Variants in FREM3 observed in about 807,000 individuals in gnomAD.
FREM3 encodes FRAS1 related extracellular matrix 3.
FREM3 carries 105 observed loss-of-function variants against 129.1 expected under a neutral mutation model. That is an observed-to-expected ratio of 0.81 (90% CI 0.69 to 0.96). FREM3 has a LOEUF of 0.96. FREM3 is among the 40% of genes least tolerant of loss of function. The pLI, the probability that FREM3 is intolerant of heterozygous loss-of-function variation, is 0.00. For synonymous variants in FREM3, 1,014 were observed against 1,044.9 expected, an observed-to-expected ratio of 0.97 and a Z score of 0.57; for missense variants, 2,593 against 2,666.3, an observed-to-expected ratio of 0.97 and a Z score of 0.61.
At chr4:143,669,967 C>T (rs1174869808) in intron 2 of FREM3, among the ~76,000 whole-genome samples, 2 of 152,162 alleles carry the variant, frequency 1.3e-5, no homozygotes, top group East Asian at 3.8e-4. Flanking sequence ...TCTATTGTTA[C>T]AAGAACTATG....
At chr4:143,642,910 C>CA (rs1270561572) in intron 2 of FREM3, among the ~76,000 whole-genome samples, 4 of 151,742 alleles carry the variant, frequency 2.6e-5, no homozygotes, top group East Asian at 1.9e-4. Context: ...AACCTAACAG[C>CA]AAAAAAACAC....
chr4:143,632,766 T>C (rs180779343), intron 2 of FREM3, among the ~76,000 whole-genome samples: 276 of 152,222 alleles, frequency 1.8e-3, no homozygotes, highest in Non-Finnish European at 2.8e-3. Flanking sequence ...AAGAATTATC[T>C]TAGGTCATAC....
intron 2 of FREM3, among the ~76,000 whole-genome samples, chr4:143,677,075 G>T (rs1417342786): frequency 6.6e-6 from 1 of 152,064 alleles, no homozygotes; most frequent in African/African-American, 2.4e-5. Context: ...AAAAGAGCCC[G>T]CATTGCCAAG....
At chr4:143,615,751 T>C (rs371495325) in intron 5 of FREM3, among the ~76,000 whole-genome samples, 10 of 149,612 alleles carry the variant, frequency 6.7e-5, no homozygotes, top group African/African-American at 2.5e-4. Context: ...AAAACAAAAT[T>C]GAAATTAAAA....
chr4:143,660,619 G>A (rs1027201967), intron 2 of FREM3, among the ~76,000 whole-genome samples: 5 of 152,038 alleles, frequency 3.3e-5, no homozygotes, highest in African/African-American at 7.3e-5. Context: ...AATTCTGTGA[G>A]GAAAGTCATT....
chr4:143,592,559 A>G (rs1183029866), intron 6 of FREM3, among the ~76,000 whole-genome samples: 2 of 152,146 alleles, frequency 1.3e-5, no homozygotes, highest in Non-Finnish European at 2.9e-5. Flanking sequence ...AAGATTGTTG[A>G]ATATTGGCCC....
chr4:143,697,435 A>G lies in FREM3; in HGVS notation c.3241T>C (p.Tyr1081His). The change falls in exon 1 of 8, where the codon TAT becomes CAT. Residue 1081 changes from tyrosine to histidine, a missense_variant. Tyr to His is a moderately conservative substitution (Grantham distance 83). Coordinates refer to ENST00000329798, the MANE Select transcript of FREM3 (RefSeq NM_001168235.2). ...GTCAAGGAGTTCTTCTCACCTTCATAGACAATGAAGGACTCCCCGACGAAG... is the reference window on the plus strand; with the variant it reads ...GTCAAGGAGTTCTTCTCACCTTCATGGACAATGAAGGACTCCCCGACGAAG... ...KVFVGESFIV[Y>H]EGEKNSLTLQ... 1 of 1,537,114 alleles carries G rather than the reference A, an allele frequency of 6.5e-7. No individual in the cohort carries two copies. The highest frequency in any genetic ancestry group is 8.7e-7 in the Non-Finnish European group (1 of 1,146,780).
chr4:143,637,332 C>G (rs1739249149), intron 2 of FREM3, among the ~76,000 whole-genome samples: 1 of 152,098 alleles, frequency 6.6e-6, no homozygotes, highest in African/African-American at 2.4e-5. Flanking sequence ...GATTAGGTAA[C>G]AGAAAAAGCC....
At chr4:143,679,658 A>G (rs1740216261) in intron 2 of FREM3, among the ~76,000 whole-genome samples, 1 of 152,120 alleles carries the variant, frequency 6.6e-6, no homozygotes, top group Non-Finnish European at 1.5e-5. Context: ...CACAGCTCTG[A>G]GCTAATTCTT....
At chr4:143,625,196 G>A (rs991952093) in intron 3 of FREM3, among the ~76,000 whole-genome samples, 4 of 152,134 alleles carry the variant, frequency 2.6e-5, no homozygotes, top group Admixed American at 2.6e-4. Flanking sequence ...AAGTGTTCAA[G>A]CAGCATTCTA....
Position 143,698,194 on chromosome 4 carries a change from G to A in FREM3, c.2482C>T (p.Gln828Ter). The A allele has an allele frequency of 6.5e-7, 1 of 1,537,426 alleles. No homozygotes were observed. The highest frequency in any genetic ancestry group is 2.4e-5 in the East Asian group (1 of 40,922). Residue 828 changes from glutamine to a stop codon, truncating the protein, a stop_gained, in exon 1 of 8, where the codon CAG (glutamine) becomes TAG (stop). Transcript: ENST00000329798. LOFTEE classifies it high-confidence loss of function. ...CCTCTGTTGGTGACTTCTGGGGGCT[G>A]GTTGTCCACAGGTTGCAGGAATAAT... ...FTLFLQPVDN[Q>*]PPEVTNRGFA...
At chr4:143,582,968 C>A (rs901979382) in intron 7 of FREM3, among the ~76,000 whole-genome samples, 1 of 150,960 alleles carries the variant, frequency 6.6e-6, no homozygotes, top group Admixed American at 6.6e-5. Context: ...ACAGCCTCAA[C>A]CTCCTGGGCT....
rs1030414098 is a variant in FREM3, at chr4:143,652,146, C to CTTTTTT, written c.5276-24392_5276-24387dup. Among the ~76,000 whole-genome samples the CTTTTTT allele has an allele frequency of 9.7e-4, 57 of 58,508 alleles. 6 individuals carry two copies. Among genetic ancestry groups the CTTTTTT allele is most frequent in the East Asian group, 4.9e-3 (4 of 816 alleles). 38.4% of individuals were successfully genotyped at this position (58,508 alleles called of 152,430 possible). On this transcript the variant is annotated intron_variant, in intron 2 of 7. Transcript: ENST00000329798. ...TTCATTCAAATGGTCTTTTTCCTTT[C>CTTTTTT]TTTTTTTTTTTTTTTTTTTTTTTTT...
chr4:143,661,056 C>G (rs1246267246), intron 2 of FREM3, among the ~76,000 whole-genome samples: 5 of 152,180 alleles, frequency 3.3e-5, no homozygotes, highest in Non-Finnish European at 5.9e-5. Flanking sequence ...TTCCTCTTTT[C>G]CTAATTGAAT....
intron 2 of FREM3, among the ~76,000 whole-genome samples, chr4:143,690,784 A>G (rs555996942): frequency 1.2e-3 from 187 of 152,354 alleles, no homozygotes; most frequent in African/African-American, 3.6e-3. Context: ...GTCCTTTATC[A>G]GCTGTTCCAG....
chr4:143,588,392 C>T (rs1408206431), intron 6 of FREM3, among the ~76,000 whole-genome samples: 5 of 151,540 alleles, frequency 3.3e-5, no homozygotes, highest in Admixed American at 3.3e-4. Context: ...ATCCCTCCCC[C>T]ATCCCCCCAC....
At chr4:143,618,723 C>T (rs994299738) in intron 5 of FREM3, among the ~76,000 whole-genome samples, 1 of 152,092 alleles carries the variant, frequency 6.6e-6, no homozygotes, top group South Asian at 2.1e-4. Context: ...GTGAGAACTT[C>T]GTCTCTACAA....
At chr4:143,649,272 A>C (rs1485041238) in intron 2 of FREM3, 3 of 152,072 alleles carry the variant, frequency 2.0e-5, no homozygotes, top group Non-Finnish European at 4.4e-5. Flanking sequence ...AACACCATCA[A>C]CTCTTCATCA....
At chr4:143,622,290 C>T (rs142510784) in intron 4 of FREM3, among the ~76,000 whole-genome samples, 2,079 of 151,644 alleles carry the variant, frequency 0.014, 42 homozygotes, top group African/African-American at 0.047. Flanking sequence ...GATGGGGTTT[C>T]GCCACATTGG....
Sources: gnomAD v4.1 joint callset for allele counts (sites outside exome capture counted in the v4.1 genomes callset) on GRCh38, gnomAD v4.1.1 for gene constraint, MANE v1.5 for transcripts, NCBI Gene and HGNC (gene_info 2026-07-23, HGNC 2026-07-21) for gene names.